The following PAMR1 variants were observed in gnomAD, a reference collection of about 807,000 sequenced individuals.
The protein encoded by PAMR1 is inactive serine protease PAMR1.
PAMR1 carries 88 observed loss-of-function variants against 81.8 expected under a neutral mutation model. That is an observed-to-expected ratio of 1.08 (90% CI 0.91 to 1.28). The LOEUF is 1.28. Ranked by LOEUF, PAMR1 falls within the 50% of genes most tolerant of loss-of-function variation. The probability of loss-of-function intolerance (pLI) is 0.00; values close to 1 mark genes in which losing one functional copy is unlikely to be tolerated. For synonymous variants in PAMR1, 336 were observed against 345.3 expected, an observed-to-expected ratio of 0.97 and a Z score of 0.30; for missense variants, 935 against 919.7, an observed-to-expected ratio of 1.02 and a Z score of -0.21.
chr11:35,475,002 A>G (rs1265297757), intron 3 of PAMR1, among the ~76,000 whole-genome samples: 1 of 152,218 alleles, frequency 6.6e-6, no homozygotes, highest in Non-Finnish European at 1.5e-5. Context: ...AAACAGATAG[A>G]TGATCAGAGA....
intron 1 of PAMR1, among the ~76,000 whole-genome samples, chr11:35,510,396 C>A (rs149702476): frequency 6.6e-6 from 1 of 152,230 alleles, no homozygotes; most frequent in East Asian, 1.9e-4. Context: ...ATTAGAGTAT[C>A]CTACAGAGTG....
In PAMR1 at chr11:35,458,849, T is replaced by G. The variant is rs561615090; in HGVS notation, c.820+9152A>C. Among the ~76,000 whole-genome samples, 9 of 152,324 alleles carry G rather than the reference T, an allele frequency of 5.9e-5. No homozygotes were observed. The East Asian group carries it at 1.5e-3, about 26-fold the overall frequency. On this transcript the variant is annotated intron_variant, in intron 6 of 10. Transcript: ENST00000619888. The stretch of plus-strand genomic sequence containing the variant: ...AGACAGCATCACATGGCCTCTCTTC[T>G]CTTCCTCATTTTTTCCTGTTCAGCT...
intron 6 of PAMR1, among the ~76,000 whole-genome samples, chr11:35,461,532 G>A (rs959556382): frequency 6.6e-6 from 1 of 151,978 alleles, no homozygotes; most frequent in African/African-American, 2.4e-5. Context: ...TTCATACTAA[G>A]ATGTCACTTG....
chr11:35,442,478 C>T (rs1354084867), intron 6 of PAMR1, among the ~76,000 whole-genome samples: 1 of 152,202 alleles, frequency 6.6e-6, no homozygotes, highest in Non-Finnish European at 1.5e-5. Flanking sequence ...TATGACACTA[C>T]TGAATATGAC....
intron 6 of PAMR1, among the ~76,000 whole-genome samples, chr11:35,452,485 A>G (rs1240460088): frequency 1.3e-5 from 2 of 152,240 alleles, no homozygotes; most frequent in African/African-American, 2.4e-5. Flanking sequence ...ATACTGGTGA[A>G]AGACATCAAC....
intron 1 of PAMR1, among the ~76,000 whole-genome samples, chr11:35,497,665 A>G (rs1205587999): frequency 6.6e-6 from 1 of 152,174 alleles, no homozygotes; most frequent in Non-Finnish European, 1.5e-5. Context: ...ATCTTCCTAT[A>G]GGTAAAATGT....
chr11:35,485,018 C>A (rs946042196), intron 3 of PAMR1, among the ~76,000 whole-genome samples: 3 of 152,170 alleles, frequency 2.0e-5, no homozygotes, highest in African/African-American at 4.8e-5. Flanking sequence ...ATAGCCAGCA[C>A]CCAAATCGCA....
intron 3 of PAMR1, among the ~76,000 whole-genome samples, chr11:35,475,358 CA>C (rs1441312274): frequency 1.3e-5 from 2 of 152,122 alleles, no homozygotes; most frequent in South Asian, 2.1e-4. Context: ...CCCTTTTGTT[CA>C]AATAAAGTCC....
rs138687117 is a variant in PAMR1, at chr11:35,485,353, A to T, written c.379+6692T>A. On this transcript the variant is annotated intron_variant, in intron 3 of 10. Transcript: ENST00000619888. ...GCAAATCCTGGAAAGGAGCATATGG[A>T]TGTATACTATTCTTTCAACTCTCTG... 6.9e-3 allele frequency among the ~76,000 whole-genome samples: 1,049 copies of T among 152,322 alleles called. 6 individuals carry two copies. The highest frequency in any genetic ancestry group is 0.024 in the African/African-American group (982 of 41,566).
chr11:35,480,175 CA>C (rs1273195909), intron 3 of PAMR1, among the ~76,000 whole-genome samples: 2 of 152,130 alleles, frequency 1.3e-5, no homozygotes, highest in African/African-American at 2.4e-5. Context: ...ATAGTTAGAC[CA>C]AAAAACCAAT....
chr11:35,500,228 G>A (rs1196058315), intron 1 of PAMR1, among the ~76,000 whole-genome samples: 1 of 152,206 alleles, frequency 6.6e-6, no homozygotes, highest in Non-Finnish European at 1.5e-5. Context: ...TACAGTATCA[G>A]TAGGGGACTA....
At chr11:35,478,193 C>T (rs553374978) in intron 3 of PAMR1, among the ~76,000 whole-genome samples, 3 of 152,238 alleles carry the variant, frequency 2.0e-5, no homozygotes, top group Admixed American at 6.5e-5. Context: ...CAAGGGAAGG[C>T]GGTGCTCATC....
intron 10 of PAMR1, 149 bp downstream of exon 10, chr11:35,434,363 A>C: frequency 3.0e-6 from 2 of 668,598 alleles, no homozygotes; most frequent in Non-Finnish European, 5.0e-6. Flanking sequence ...CTAGTATCTC[A>C]ATATGAAATA....
chr11:35,509,154 T>G (rs1851030150), intron 1 of PAMR1, among the ~76,000 whole-genome samples: 2 of 152,326 alleles, frequency 1.3e-5, no homozygotes, highest in South Asian at 4.1e-4. Flanking sequence ...TTCCTTCCCC[T>G]CTGGTTTGAT....
intron 3 of PAMR1, among the ~76,000 whole-genome samples, chr11:35,481,654 C>T (rs1850395323): frequency 1.3e-5 from 2 of 152,120 alleles, no homozygotes; most frequent in Admixed American, 1.3e-4. Context: ...TCCCAAGTAG[C>T]TGGGAGTACA....
At chr11:35,526,590 AC>A (rs1242477850), upstream of PAMR1, among the ~76,000 whole-genome samples, 1 of 152,260 alleles carries the variant, frequency 6.6e-6, no homozygotes, top group African/African-American at 2.4e-5. Flanking sequence ...AATTAGAGAA[AC>A]GGAACCATTG....
At chr11:35,440,792 T>C (rs1176796448) in intron 7 of PAMR1, among the ~76,000 whole-genome samples, 2 of 152,208 alleles carry the variant, frequency 1.3e-5, no homozygotes, top group African/African-American at 2.4e-5. Flanking sequence ...CCATGATGAC[T>C]TCACTTCTGC....
At chr11:35,498,293 G>A (rs764328495) in intron 1 of PAMR1, among the ~76,000 whole-genome samples, 4 of 152,084 alleles carry the variant, frequency 2.6e-5, no homozygotes, top group Non-Finnish European at 4.4e-5. Flanking sequence ...TTGGTTAGAG[G>A]CTCAAACATG....
At chr11:35,530,152 G>A (rs1405532787), upstream of PAMR1, 1 of 152,260 alleles carries the variant, frequency 6.6e-6, no homozygotes, top group African/African-American at 2.4e-5. Context: ...TGGTAATTAA[G>A]TTTGGTTTCC....
Sources: allele counts gnomAD v4.1 joint callset (sites outside exome capture counted in the v4.1 genomes callset), GRCh38; gene constraint gnomAD v4.1.1; transcripts MANE v1.5; gene names NCBI Gene and HGNC (gene_info 2026-07-23, HGNC 2026-07-21).